The following MSRA variants were observed in gnomAD, a reference collection of about 807,000 sequenced individuals.
The protein encoded by MSRA is methionine sulfoxide reductase A.
MSRA carries 54 observed loss-of-function variants against 31.3 expected under a neutral mutation model. That is an observed-to-expected ratio of 1.73 (90% confidence interval 1.39 to 2.17). The LOEUF (loss-of-function observed/expected upper bound fraction) is 2.17. Ranked by LOEUF, MSRA falls within the 30% of genes most tolerant of loss-of-function variation. The probability of loss-of-function intolerance (pLI) is 0.00; values close to 1 mark genes in which losing one functional copy is unlikely to be tolerated. For missense variants in MSRA, 507 were observed against 300.9 expected (o/e 1.69, Z -5.07); for synonymous variants, 169 against 116.5 (o/e 1.45, Z -2.90).
At chr8:10,400,347 G>A (rs1235648994) in intron 5 of MSRA, among the ~76,000 whole-genome samples, 1 of 139,682 alleles carries the variant, frequency 7.2e-6, no homozygotes, top group African/African-American at 2.7e-5. Flanking sequence ...CATGGCCTAT[G>A]ACCTATTCAG....
chr8:10,235,150 A>G (rs975876240), intron 2 of MSRA, among the ~76,000 whole-genome samples: 2 of 152,186 alleles, frequency 1.3e-5, no homozygotes, highest in African/African-American at 2.4e-5. Context: ...TAGAATAGTT[A>G]CAAAAATTCA....
chr8:10,230,947 G>A (rs1203096612), intron 2 of MSRA, among the ~76,000 whole-genome samples: 1 of 152,132 alleles, frequency 6.6e-6, no homozygotes, highest in East Asian at 1.9e-4. Context: ...ACCACGCCTG[G>A]CTAATTTTTG....
At chr8:10,374,053 A>G (rs984617009) in intron 5 of MSRA, among the ~76,000 whole-genome samples, 2 of 152,198 alleles carry the variant, frequency 1.3e-5, no homozygotes, top group African/African-American at 2.4e-5. Flanking sequence ...AACTCAGGAA[A>G]CACCAGTGGA....
chr8:10,178,026 T>C (rs1250857840), intron 1 of MSRA, among the ~76,000 whole-genome samples: 2 of 152,234 alleles, frequency 1.3e-5, no homozygotes, highest in African/African-American at 4.8e-5. Context: ...TTCACCTGCC[T>C]CTTTTTTCCA....
intron 1 of MSRA, among the ~76,000 whole-genome samples, chr8:10,171,485 AG>A (rs1241725381): frequency 2.0e-5 from 3 of 152,172 alleles, no homozygotes; most frequent in South Asian, 4.1e-4. Context: ...AGAGAAAACA[AG>A]GGCCTTACAC....
intron 1 of MSRA, among the ~76,000 whole-genome samples, chr8:10,204,558 G>C (rs932960912): frequency 1.3e-5 from 2 of 152,192 alleles, no homozygotes; most frequent in Non-Finnish European, 2.9e-5. Flanking sequence ...TCATAGCCTA[G>C]GGGCAATAGA....
chr8:10,131,557 C>T (rs1202792300), intron 1 of MSRA, among the ~76,000 whole-genome samples: 1 of 152,152 alleles, frequency 6.6e-6, no homozygotes, highest in African/African-American at 2.4e-5. Flanking sequence ...AGAGAATGAT[C>T]CTGGATTTAC....
chr8:10,308,889 G>A (rs911693444), intron 4 of MSRA, among the ~76,000 whole-genome samples: 2 of 152,200 alleles, frequency 1.3e-5, no homozygotes, highest in East Asian at 3.9e-4. Flanking sequence ...ACTTCATAGG[G>A]TTATAGTCAG....
chr8:10,089,756 C>G (rs1054793379), intron 1 of MSRA, among the ~76,000 whole-genome samples: 2 of 152,186 alleles, frequency 1.3e-5, no homozygotes, highest in African/African-American at 4.8e-5. Context: ...AAAGGAGAAG[C>G]GAGCACCTGC....
chr8:10,312,493 G>T (rs577558903), intron 4 of MSRA, among the ~76,000 whole-genome samples: 1 of 152,298 alleles, frequency 6.6e-6, no homozygotes, highest in East Asian at 1.9e-4. Flanking sequence ...ATTTAAGGAA[G>T]AAATAATTGC....
At chr8:10,264,790 C>G (rs536811629) in intron 3 of MSRA, among the ~76,000 whole-genome samples, 1 of 152,180 alleles carries the variant, frequency 6.6e-6, no homozygotes, top group Non-Finnish European at 1.5e-5. Flanking sequence ...CAGGAACTAA[C>G]TTGAGAGCCC....
At chr8:10,056,560 C>T (rs1336592705) in intron 1 of MSRA, among the ~76,000 whole-genome samples, 1 of 146,670 alleles carries the variant, frequency 6.8e-6, no homozygotes, top group African/African-American at 2.5e-5. Flanking sequence ...GCCAAGCCTA[C>T]AATGCATATG....
intron 1 of MSRA, among the ~76,000 whole-genome samples, chr8:10,098,452 A>G (rs1799318459): frequency 6.6e-6 from 1 of 152,200 alleles, no homozygotes; most frequent in African/African-American, 2.4e-5. Flanking sequence ...TCGCTCATTT[A>G]TTCATTTATT....
intron 5 of MSRA, among the ~76,000 whole-genome samples, chr8:10,414,682 T>C (rs1210584468): frequency 6.6e-6 from 1 of 152,260 alleles, no homozygotes; most frequent in East Asian, 1.9e-4. Flanking sequence ...TGAAGTTCTT[T>C]TCTATTCAAC....
At chr8:10,413,346 C>G (rs984517824) in intron 5 of MSRA, among the ~76,000 whole-genome samples, 5 of 152,168 alleles carry the variant, frequency 3.3e-5, no homozygotes, top group African/African-American at 9.7e-5. Flanking sequence ...TCAATGGCCA[C>G]ACCTGAAAGA....
chr8:10,346,998 C>G (rs546381940), intron 5 of MSRA, among the ~76,000 whole-genome samples: 1 of 152,310 alleles, frequency 6.6e-6, no homozygotes, highest in Non-Finnish European at 1.5e-5. Flanking sequence ...GTTACTTGTT[C>G]CCTGTCCTCA....
intron 1 of MSRA, among the ~76,000 whole-genome samples, chr8:10,175,934 G>A (rs1359067018): frequency 1.3e-5 from 2 of 152,182 alleles, no homozygotes; most frequent in African/African-American, 2.4e-5. Context: ...GGATAAGGCA[G>A]CATCATTTTC....
At chr8:10,394,760 T>C (rs2129181244) in intron 5 of MSRA, among the ~76,000 whole-genome samples, 1 of 152,332 alleles carries the variant, frequency 6.6e-6, no homozygotes, top group South Asian at 2.1e-4. Context: ...ACACTTTGGT[T>C]AGCAAGACAC....
At chr8:10,172,324 G>A (rs145253990) in intron 1 of MSRA, among the ~76,000 whole-genome samples, 384 of 152,288 alleles carry the variant, frequency 2.5e-3, no homozygotes, top group Non-Finnish European at 4.5e-3. Context: ...TGATGGGGTT[G>A]GAGGGGTGGC....
Sources: gnomAD v4.1 joint callset for allele counts (sites outside exome capture counted in the v4.1 genomes callset) on GRCh38, gnomAD v4.1.1 for gene constraint, MANE v1.5 for transcripts, NCBI Gene and HGNC (gene_info 2026-07-23, HGNC 2026-07-21) for gene names.